Variants in ENTPD6 observed in about 807,000 individuals in gnomAD.
ENTPD6 encodes CD39 antigen-like 2.
ENTPD6 carries 46 observed loss-of-function variants against 61.5 expected under a neutral mutation model. That is an observed-to-expected ratio of 0.75 (90% confidence interval 0.59 to 0.96). The LOEUF (loss-of-function observed/expected upper bound fraction) is 0.96. ENTPD6 is among the 40% of genes least tolerant of loss of function. The pLI, the probability that ENTPD6 is intolerant of heterozygous loss-of-function variation, is 0.00. For missense variants in ENTPD6, 612 were observed against 629.0 expected (o/e 0.97, Z 0.29); for synonymous variants, 252 against 255.5 (o/e 0.99, Z 0.13).
intron 10 of ENTPD6, 142 bp from the exon 11 acceptor site, chr20:25,221,090 G>A (rs1052530181): frequency 1.6e-6 from 1 of 628,240 alleles, no homozygotes; most frequent in African/African-American, 1.8e-5. Flanking sequence ...TCCCAGGGAG[G>A]TGTTGCCTTC....
At chr20:25,196,740 T>G (rs1457731454) in intron 1 of ENTPD6, among the ~76,000 whole-genome samples, 3 of 152,186 alleles carry the variant, frequency 2.0e-5, no homozygotes, top group Non-Finnish European at 4.4e-5. Context: ...TTACAAGGAC[T>G]CTTCCTCCCA....
chr20:25,218,879 ATTTC>A (rs1405216397), intron 10 of ENTPD6, among the ~76,000 whole-genome samples: 3 of 152,116 alleles, frequency 2.0e-5, no homozygotes, highest in Admixed American at 6.5e-5. Context: ...CTTCCAAGGT[ATTTC>A]TTTCTTTATT....
intron 5 of ENTPD6, 62 bp downstream of exon 5, chr20:25,213,468 C>G: frequency 6.6e-7 from 1 of 1,513,594 alleles, no homozygotes; most frequent in Admixed American, 2.1e-5. Flanking sequence ...TGACTGAAAA[C>G]AACTGCTGTC....
intron 11 of ENTPD6, chr20:25,221,717 G>T (rs1478853536): frequency 5.8e-6 from 2 of 342,408 alleles, no homozygotes; most frequent in Non-Finnish European, 1.1e-5. Flanking sequence ...CACCCATCCT[G>T]CTCGAGGCTA....
intron 1 of ENTPD6, among the ~76,000 whole-genome samples, chr20:25,203,946 G>A (rs1447903476): frequency 6.6e-6 from 1 of 152,216 alleles, no homozygotes; most frequent in Non-Finnish European, 1.5e-5. Context: ...TCTGGATGAA[G>A]GCCAAAGTTT....
chr20:25,203,684 A>G (rs2091230706), intron 1 of ENTPD6, among the ~76,000 whole-genome samples: 1 of 152,092 alleles, frequency 6.6e-6, no homozygotes, highest in African/African-American at 2.4e-5. Context: ...CTCTTTTAGC[A>G]TATTTAAGAC....
At chr20:25,209,789 T>C in intron 3 of ENTPD6, 60 bp from the exon 4 acceptor site, 1 of 1,422,958 alleles carries the variant, frequency 7.0e-7, no homozygotes, top group South Asian at 1.1e-5. Context: ...TAGTCATGAT[T>C]GTATGTGTTC....
At chr20:25,209,724 G>T (rs2091818858) in intron 3 of ENTPD6, 125 bp from the exon 4 acceptor site, 1 of 749,996 alleles carries the variant, frequency 1.3e-6, no homozygotes, top group East Asian at 2.5e-5. Flanking sequence ...TAGCTGAAGG[G>T]CCCCTGCCAC....
At chr20:25,219,973 G>A (rs914974245) in intron 10 of ENTPD6, among the ~76,000 whole-genome samples, 13 of 152,266 alleles carry the variant, frequency 8.5e-5, no homozygotes, top group Admixed American at 7.2e-4. Context: ...CTATTATTTA[G>A]CCAATGAGAA....
chr20:25,212,085 A>G (rs1042610592), intron 4 of ENTPD6, among the ~76,000 whole-genome samples: 5 of 152,142 alleles, frequency 3.3e-5, no homozygotes, highest in African/African-American at 1.2e-4. Flanking sequence ...GAATTACTGG[A>G]GTGGAATTTC....
intron 1 of ENTPD6, among the ~76,000 whole-genome samples, chr20:25,199,570 C>T (rs2090858043): frequency 1.3e-5 from 2 of 152,210 alleles, no homozygotes; most frequent in African/African-American, 4.8e-5. Context: ...AGTACATTCA[C>T]AACCACCATC....
intron 10 of ENTPD6, among the ~76,000 whole-genome samples, chr20:25,219,114 T>A (rs1470556410): frequency 6.6e-6 from 1 of 152,192 alleles, no homozygotes; most frequent in East Asian, 1.9e-4. Flanking sequence ...AATCCTACCT[T>A]CAAATGATTG....
intron 1 of ENTPD6, among the ~76,000 whole-genome samples, chr20:25,200,803 C>G (rs2090969262): frequency 6.7e-6 from 1 of 148,322 alleles, no homozygotes; most frequent in South Asian, 2.1e-4. Flanking sequence ...TTATTATTTT[C>G]CTCCTCCTTT....
intron 4 of ENTPD6, 27 bp from the exon 5 acceptor site, chr20:25,213,236 C>G: frequency 6.2e-7 from 1 of 1,614,066 alleles, no homozygotes; most frequent in Admixed American, 1.7e-5. Flanking sequence ...CTTGACAGAC[C>G]CTGCTTTGCT....
At chr20:25,196,879 G>A (rs1240509315) in intron 1 of ENTPD6, among the ~76,000 whole-genome samples, 1 of 152,106 alleles carries the variant, frequency 6.6e-6, no homozygotes, top group Non-Finnish European at 1.5e-5. Context: ...TAGTGTGTGT[G>A]TCGTCTGCCT....
intron 12 of ENTPD6, chr20:25,223,792 CTACTTT>C (rs2092714024): frequency 4.6e-6 from 1 of 219,246 alleles, no homozygotes; most frequent in African/African-American, 2.3e-5. Context: ...TTCAATTTCT[CTACTTT>C]TATTTTTCTT....
At chr20:25,202,571 C>G (rs2091133228) in intron 1 of ENTPD6, among the ~76,000 whole-genome samples, 1 of 152,140 alleles carries the variant, frequency 6.6e-6, no homozygotes. Flanking sequence ...GTGGTTACAA[C>G]CATAGGGATT....
In ENTPD6 at chr20:25,206,546, G is replaced by A. The variant is rs1456596457; in HGVS notation, c.10G>A (p.Gly4Ser). MKK[G>S]IRYETSRKTS... ...GGAATGGGCTATGTGAATGAAAAAA[G>A]GTATCCGTTATGAAACTTCCAGAAA... is the stretch of plus-strand genomic sequence containing the variant. Residue 4 changes from glycine (G) to serine (S), a missense_variant, in exon 2 of 15, where the codon GGT becomes AGT. By Grantham distance (56) the Gly-to-Ser change is moderately conservative. Coordinates refer to ENST00000376652, the MANE Select transcript of ENTPD6 (RefSeq NM_001247.5). 1 of 1,613,600 alleles carries A rather than the reference G, an allele frequency of 6.2e-7. No homozygotes were observed. The highest frequency in any genetic ancestry group is 8.5e-7 in the Non-Finnish European group (1 of 1,179,632).
chr20:25,195,743 C>T lies in ENTPD6; in HGVS notation c.-140C>T, dbSNP rs1225854298. The stretch of plus-strand genomic sequence containing the variant: ...CCCAGGCCCTAGGGAATCGTGGGGT[C>T]GTATCCCGCGGGTGGAGGCCGGGGT... On this transcript the variant is annotated 5_prime_UTR_variant, in exon 1 of 15. Transcript: ENST00000376652. 3.4e-5 allele frequency: 26 copies of T among 763,326 alleles called. No homozygotes were observed. In the Admixed American group the frequency reaches 1.1e-3, roughly 33 times the overall value. 47.3% of individuals were successfully genotyped at this position (763,326 alleles called of 1,614,324 possible).
Sources: allele counts gnomAD v4.1 joint callset (sites outside exome capture counted in the v4.1 genomes callset), GRCh38; gene constraint gnomAD v4.1.1; transcripts MANE v1.5; gene names NCBI Gene and HGNC (gene_info 2026-07-23, HGNC 2026-07-21).